PTPRM: variants seen among roughly 807,000 people sequenced by gnomAD.
The protein encoded by PTPRM is receptor-type tyrosine-protein phosphatase mu.
PTPRM carries 47 observed loss-of-function variants against 186.7 expected under a neutral mutation model. That is an observed-to-expected ratio of 0.25 (90% CI 0.20 to 0.32). The LOEUF (loss-of-function observed/expected upper bound fraction) is 0.32. Among genes scored for constraint, PTPRM ranks in the 10% least tolerant of loss-of-function variants. The pLI is 1.00. For synonymous variants in PTPRM, 668 were observed against 674.9 expected (o/e 0.99, Z 0.16); for missense variants, 1,494 against 1,865.0 (o/e 0.80, Z 3.66).
At chr18:8,386,614 T>C (rs1435386407) in intron 30 of PTPRM, among the ~76,000 whole-genome samples, 1 of 152,232 alleles carries the variant, frequency 6.6e-6, no homozygotes, top group Non-Finnish European at 1.5e-5. Flanking sequence ...AATTAACTAT[T>C]GCTATCTTAG....
chr18:7,616,648 C>T (rs1482488482), intron 1 of PTPRM, among the ~76,000 whole-genome samples: 1 of 152,168 alleles, frequency 6.6e-6, no homozygotes, highest in Non-Finnish European at 1.5e-5. Flanking sequence ...ACTCGTGGGC[C>T]CGCCTCTTTC....
chr18:8,142,378 A>G (rs2092785710), intron 13 of PTPRM, among the ~76,000 whole-genome samples: 1 of 152,172 alleles, frequency 6.6e-6, no homozygotes. Context: ...CCATGTTCAG[A>G]ATGCAGGGCC....
At chr18:7,987,808 G>A (rs1339841283) in intron 7 of PTPRM, among the ~76,000 whole-genome samples, 1 of 152,010 alleles carries the variant, frequency 6.6e-6, no homozygotes, top group African/African-American at 2.4e-5. Context: ...CAGTCCTCAT[G>A]GATTTATTTT....
chr18:8,063,642 T>G (rs2088809101), intron 7 of PTPRM, among the ~76,000 whole-genome samples: 1 of 152,214 alleles, frequency 6.6e-6, no homozygotes. Flanking sequence ...ACTTTTATTT[T>G]TTATGGATTT....
At chr18:7,654,186 A>G (rs989448732) in intron 1 of PTPRM, among the ~76,000 whole-genome samples, 1 of 152,018 alleles carries the variant, frequency 6.6e-6, no homozygotes, top group African/African-American at 2.4e-5. Flanking sequence ...TTTCTTGTAA[A>G]TTTAAGTTCC....
At chr18:7,656,931 C>A (rs1195196011) in intron 1 of PTPRM, among the ~76,000 whole-genome samples, 1 of 152,096 alleles carries the variant, frequency 6.6e-6, no homozygotes, top group Admixed American at 6.5e-5. Flanking sequence ...TTCCCCAGTT[C>A]TTTCCCCCTT....
chr18:7,789,855 T>G (rs1279020157), intron 2 of PTPRM, among the ~76,000 whole-genome samples: 1 of 152,220 alleles, frequency 6.6e-6, no homozygotes, highest in Admixed American at 6.5e-5. Context: ...GTTGTTTCAT[T>G]GCAACCTTTA....
intron 7 of PTPRM, among the ~76,000 whole-genome samples, chr18:8,067,181 C>G (rs1301828496): frequency 6.6e-6 from 1 of 152,004 alleles, no homozygotes; most frequent in Non-Finnish European, 1.5e-5. Flanking sequence ...TAGAACAGTC[C>G]TGTGATGAAT....
At chr18:7,598,574 G>GTATC (rs2037322528) in intron 1 of PTPRM, among the ~76,000 whole-genome samples, 1 of 152,130 alleles carries the variant, frequency 6.6e-6, no homozygotes, top group Non-Finnish European at 1.5e-5. Flanking sequence ...GCAAGTCTGG[G>GTATC]TATCCTTTTA....
chr18:7,584,102 A>G (rs1003935818), intron 1 of PTPRM, among the ~76,000 whole-genome samples: 8 of 152,234 alleles, frequency 5.3e-5, no homozygotes, highest in Non-Finnish European at 1.0e-4. Flanking sequence ...TACTTTGCTT[A>G]TTTAAATAAC....
At chr18:8,097,952 A>G (rs1249789267) in intron 11 of PTPRM, among the ~76,000 whole-genome samples, 1 of 152,186 alleles carries the variant, frequency 6.6e-6, no homozygotes, top group East Asian at 1.9e-4. Context: ...ATATTATAAT[A>G]CTGTCTTTTC....
At chr18:8,232,903 T>C (rs2094304128) in intron 14 of PTPRM, among the ~76,000 whole-genome samples, 1 of 152,060 alleles carries the variant, frequency 6.6e-6, no homozygotes, top group African/African-American at 2.4e-5. Flanking sequence ...GCAAAAGAGA[T>C]AGCAAGGAGG....
At chr18:7,701,546 G>A (rs1202179591) in intron 1 of PTPRM, among the ~76,000 whole-genome samples, 4 of 152,088 alleles carry the variant, frequency 2.6e-5, no homozygotes, top group Non-Finnish European at 4.4e-5. Flanking sequence ...GTTGCAGTGA[G>A]CTGAGATTGC....
chr18:8,260,680 C>A (rs2094620861), intron 19 of PTPRM, among the ~76,000 whole-genome samples: 1 of 152,196 alleles, frequency 6.6e-6, no homozygotes, highest in African/African-American at 2.4e-5. Flanking sequence ...AACCATAGCA[C>A]CAGCATATCC....
At chr18:8,213,102 G>A (rs1326194831) in intron 14 of PTPRM, among the ~76,000 whole-genome samples, 1 of 152,166 alleles carries the variant, frequency 6.6e-6, no homozygotes, top group African/African-American at 2.4e-5. Context: ...AGCATGATGG[G>A]GCACCCTGTC....
chr18:7,867,446 T>C (rs899087728), intron 2 of PTPRM, among the ~76,000 whole-genome samples: 3 of 152,234 alleles, frequency 2.0e-5, no homozygotes, highest in African/African-American at 7.2e-5. Context: ...TTATTTCTCC[T>C]TCACTTATGA....
At chr18:8,149,614 G>C (rs1489216958) in intron 14 of PTPRM, among the ~76,000 whole-genome samples, 2 of 152,112 alleles carry the variant, frequency 1.3e-5, no homozygotes, top group Admixed American at 6.5e-5. Context: ...TTGCCAGTCT[G>C]TGTCTTTTAA....
At chr18:7,829,597 G>A (rs1309661329) in intron 2 of PTPRM, among the ~76,000 whole-genome samples, 1 of 152,194 alleles carries the variant, frequency 6.6e-6, no homozygotes, top group Non-Finnish European at 1.5e-5. Flanking sequence ...GATATCTCAA[G>A]TCAAGGGGAC....
chr18:8,014,575 C>T lies in PTPRM; in HGVS notation c.1133-55111C>T, dbSNP rs532818987. ...TACATAATGCTTCAGTTGTTTACTG[C>T]TAAATGAAATGTAAAAGTATATATT... is the stretch of plus-strand genomic sequence containing the variant. On this transcript the variant is annotated intron_variant, in intron 7 of 32. Transcript: ENST00000580170. Among the ~76,000 whole-genome samples the T allele has an allele frequency of 3.3e-5, 5 of 152,166 alleles. No individual in the cohort carries two copies. In the South Asian group the frequency reaches 1.0e-3, roughly 32 times the overall value.
Sources: gnomAD v4.1 joint callset for allele counts (sites outside exome capture counted in the v4.1 genomes callset) on GRCh38, gnomAD v4.1.1 for gene constraint, MANE v1.5 for transcripts, NCBI Gene and HGNC (gene_info 2026-07-23, HGNC 2026-07-21) for gene names.